Variants in SEC11C observed in about 807,000 individuals in gnomAD.
SEC11C encodes SEC11 homolog C, signal peptidase complex subunit.
Under a neutral mutation model 21.9 loss-of-function variants are expected in SEC11C, and 10 were observed. That is an observed-to-expected ratio of 0.46 (90% CI 0.28 to 0.77). The LOEUF (loss-of-function observed/expected upper bound fraction) is 0.77. Ranked by LOEUF, SEC11C falls within the 30% of genes least tolerant of loss-of-function variation. The pLI is 0.12. For synonymous variants in SEC11C, 83 were observed against 85.6 expected (o/e 0.97, Z 0.17); for missense variants, 145 against 244.5 (o/e 0.59, Z 2.71).
intron 1 of SEC11C, among the ~76,000 whole-genome samples, chr18:59,141,871 G>C (rs1003548849): frequency 2.7e-4 from 41 of 152,196 alleles, no homozygotes; most frequent in Non-Finnish European, 5.9e-4. Context: ...TGCTGCTGCT[G>C]TCAGCCAGAA....
intron 1 of SEC11C, among the ~76,000 whole-genome samples, chr18:59,148,964 A>G (rs892139430): frequency 6.6e-5 from 10 of 152,260 alleles, no homozygotes; most frequent in Middle Eastern, 3.2e-3. Context: ...TAAAACATTT[A>G]TGAAAAATTT....
At chr18:59,145,194 C>A (rs925800580) in intron 1 of SEC11C, among the ~76,000 whole-genome samples, 9 of 152,190 alleles carry the variant, frequency 5.9e-5, no homozygotes, top group African/African-American at 1.2e-4. Flanking sequence ...GATTGGCAAA[C>A]CCCATTGCAC....
At chr18:59,142,371 G>C (rs1174155871) in intron 1 of SEC11C, among the ~76,000 whole-genome samples, 1 of 147,900 alleles carries the variant, frequency 6.8e-6, no homozygotes, top group Non-Finnish European at 1.5e-5. Flanking sequence ...TAAGTGGCAA[G>C]ATTTTATCGG....
intron 1 of SEC11C, among the ~76,000 whole-genome samples, chr18:59,143,703 A>G (rs1376790250): frequency 2.6e-5 from 4 of 152,124 alleles, no homozygotes; most frequent in Non-Finnish European, 5.9e-5. Context: ...GTGAGATCCT[A>G]CTGCAGCTTA....
At chr18:59,149,758 T>C in intron 2 of SEC11C, 136 bp downstream of exon 2, 1 of 490,060 alleles carries the variant, frequency 2.0e-6, no homozygotes. Context: ...ATTATTAGTC[T>C]TTATTGATAT....
At chr18:59,143,142 C>T (rs543710152) in intron 1 of SEC11C, among the ~76,000 whole-genome samples, 91 of 152,178 alleles carry the variant, frequency 6.0e-4, no homozygotes, top group African/African-American at 2.1e-3. Context: ...CATTTGAGGT[C>T]AGGAGTTCAA....
At chr18:59,155,635 T>C in intron 3 of SEC11C, 53 bp from the exon 4 acceptor site, 1 of 1,578,580 alleles carries the variant, frequency 6.3e-7, no homozygotes, top group South Asian at 1.2e-5. Flanking sequence ...ATATTTTTGT[T>C]AATGATGCTG....
In SEC11C at chr18:59,149,504, T is replaced by C; in HGVS notation, c.88-9T>C. The C allele has an allele frequency of 6.3e-7, 1 of 1,579,010 alleles. No individual in the cohort carries two copies. The highest frequency in any genetic ancestry group is 1.7e-5 in the Admixed American group (1 of 59,752). On this transcript the variant is annotated splice_polypyrimidine_tract_variant and intron_variant, in intron 1 of 5. Coordinates refer to ENST00000587834, the MANE Select transcript of SEC11C (RefSeq NM_033280.4). The stretch of plus-strand genomic sequence containing the variant: ...GGTTTTCATCGTGGTTTCCTCTTTT[T>C]CATTCCAGCTCTATTACCAGGTTTT...
Position 59,139,956 on chromosome 18 carries a change from G to C in SEC11C, c.8G>C (p.Arg3Pro). 6.3e-7 allele frequency: 1 copy of C among 1,586,232 alleles called. No individual in the cohort carries two copies. Among genetic ancestry groups the C allele is most frequent in the Non-Finnish European group, 8.6e-7 (1 of 1,164,810 alleles). The change falls in exon 1 of 6, where the codon CGT (arginine) becomes CCT (proline). Residue 3 changes from arginine (R) to proline (P), a missense_variant. Arg to Pro is a moderately radical substitution (Grantham distance 103). Transcript: ENST00000587834. ...GTCCCCGGAGACCCTGCTATGGTGC[G>C]TGCGGGCGCCGTGGGGGCTCATCTC... Reference protein sequence around the residue: MVRAGAVGAHLPA... With the variant: MVPAGAVGAHLPA...
chr18:59,150,145 A>G (rs968801242), intron 2 of SEC11C, among the ~76,000 whole-genome samples: 2 of 152,226 alleles, frequency 1.3e-5, no homozygotes, highest in Non-Finnish European at 2.9e-5. Flanking sequence ...TTAACTTCAC[A>G]CAGCCATAAA....
At chr18:59,153,607 A>G (rs558634833) in intron 3 of SEC11C, among the ~76,000 whole-genome samples, 7 of 152,114 alleles carry the variant, frequency 4.6e-5, no homozygotes, top group Admixed American at 3.3e-4. Flanking sequence ...CTGGAGTGCC[A>G]TGGTGCGATC....
At chr18:59,147,307 ATGTTGCCCAGAGCCACG>A (rs2069288163) in intron 1 of SEC11C, 1 of 152,236 alleles carries the variant, frequency 6.6e-6, no homozygotes, top group Admixed American at 6.5e-5. Context: ...GAGGAAAATG[ATGTTGCCCAGAGCCACG>A]TGATCCAGGT....
rs749712677 is a variant in SEC11C at position 59,158,719 on chromosome 18, G to T, written c.*34G>T. The T allele has an allele frequency of 1.9e-6, 3 of 1,552,494 alleles. No individual in the cohort carries two copies. The Admixed American group carries it at 5.0e-5, about 26-fold the overall frequency. The stretch of plus-strand genomic sequence containing the variant: ...GCAGTTCCTGGGACCAGATTGAAAT[G>T]AATTCTGTTGAAAAAGAGAAAAACT... On this transcript the variant is annotated 3_prime_UTR_variant, in exon 6 of 6. Transcript: ENST00000587834.
At chr18:59,157,476 C>T (rs2069431286) in intron 4 of SEC11C, 132 bp from the exon 5 acceptor site, 5 of 703,062 alleles carry the variant, frequency 7.1e-6, no homozygotes, top group African/African-American at 1.8e-5. Context: ...CTGAATACAT[C>T]CTTACAGCCC....
chr18:59,155,886 A>G, intron 4 of SEC11C, 79 bp downstream of exon 4: 1 of 1,504,464 alleles, frequency 6.6e-7, no homozygotes, highest in South Asian at 1.2e-5. Flanking sequence ...TAGGCTAATG[A>G]GTCGTTAATT....
intron 3 of SEC11C, 79 bp downstream of exon 3, chr18:59,152,764 C>T: frequency 7.9e-7 from 1 of 1,263,230 alleles, no homozygotes; most frequent in South Asian, 1.5e-5. Context: ...CTAGTAAAAG[C>T]ACTGGATTAT....
intron 1 of SEC11C, among the ~76,000 whole-genome samples, chr18:59,148,819 G>A (rs1392661328): frequency 4.6e-5 from 7 of 152,156 alleles, no homozygotes; most frequent in Middle Eastern, 3.4e-3. Context: ...GGGTTTCACC[G>A]GTAGCCAGAA....
intron 1 of SEC11C, among the ~76,000 whole-genome samples, chr18:59,145,252 T>G (rs1405721580): frequency 6.6e-6 from 1 of 152,258 alleles, no homozygotes; most frequent in Admixed American, 6.5e-5. Flanking sequence ...GCTCTTTCTT[T>G]TACATATTGT....
intron 2 of SEC11C, 30 bp from the exon 3 acceptor site, chr18:59,152,506 T>G: frequency 3.2e-6 from 5 of 1,578,936 alleles, no homozygotes; most frequent in Non-Finnish European, 4.3e-6. Flanking sequence ...CACAGGGTAA[T>G]GCTGATACTG....
Sources: allele counts gnomAD v4.1 joint callset (sites outside exome capture counted in the v4.1 genomes callset), GRCh38; gene constraint gnomAD v4.1.1; transcripts MANE v1.5; gene names NCBI Gene and HGNC (gene_info 2026-07-23, HGNC 2026-07-21).